Variants in SGCZ observed in about 807,000 individuals in gnomAD.
SGCZ encodes the protein zeta-sarcoglycan.
Under a neutral mutation model 41.3 loss-of-function variants are expected in SGCZ, and 40 were observed. The ratio of observed to expected loss-of-function variants is 0.97; its 90% CI spans 0.75 to 1.26. The LOEUF is 1.26. Ranked by LOEUF, SGCZ falls within the 50% of genes most tolerant of loss-of-function variation. The probability of loss-of-function intolerance (pLI) is 0.00; values close to 1 mark genes in which losing one functional copy is unlikely to be tolerated. For synonymous variants in SGCZ, 206 were observed against 137.5 expected (o/e 1.50, Z -3.49); for missense variants, 552 against 369.8 (o/e 1.49, Z -4.04).
intron 1 of SGCZ, among the ~76,000 whole-genome samples, chr8:14,922,888 C>A (rs1799633029): frequency 6.6e-6 from 1 of 152,128 alleles, no homozygotes; most frequent in African/African-American, 2.4e-5. Flanking sequence ...GAATTATATT[C>A]CACTGATTTA....
At chr8:15,135,878 G>A (rs184107671) in intron 1 of SGCZ, among the ~76,000 whole-genome samples, 14 of 152,318 alleles carry the variant, frequency 9.2e-5, no homozygotes, top group Admixed American at 2.6e-4. Flanking sequence ...TCCATAAGCA[G>A]TATGCCCAAA....
In SGCZ at chr8:14,816,152, A is replaced by C. The variant is rs548019274; in HGVS notation, c.40-261226T>G. 3.9e-5 allele frequency among the ~76,000 whole-genome samples: 6 copies of C among 152,334 alleles called. 1 individual carries two copies. In the South Asian group the frequency reaches 1.2e-3, roughly 32 times the overall value. On this transcript the variant is annotated intron_variant, in intron 1 of 7. Transcript: ENST00000382080. ...TTACATTTTGTATACTAAGTCTCGA[A>C]GATGCAGTGGGAATTAGACACTTTC... is the stretch of plus-strand genomic sequence containing the variant.
intron 2 of SGCZ, among the ~76,000 whole-genome samples, chr8:14,391,393 T>A (rs1424460304): frequency 6.6e-6 from 1 of 152,182 alleles, no homozygotes; most frequent in Non-Finnish European, 1.5e-5. Flanking sequence ...AAAGTCATTG[T>A]TAAGACTTTG....
rs188767103 is a variant in SGCZ, at chr8:14,691,307, T to C, written c.40-136381A>G. ...AATTTTAAATAAAATGTTGGAATAT[T>C]TATTTTAGATAGTTTAAAGAAGCTA... is the stretch of plus-strand genomic sequence containing the variant. On this transcript the variant is annotated intron_variant, in intron 1 of 7. Coordinates refer to ENST00000382080, the MANE Select transcript of SGCZ (RefSeq NM_139167.4). Among the ~76,000 whole-genome samples, 7 of 152,296 alleles carry C rather than the reference T, an allele frequency of 4.6e-5. No homozygotes were observed. The East Asian group carries it at 1.3e-3, about 29-fold the overall frequency.
Position 14,554,896 on chromosome 8 carries a change from G to A in SGCZ, c.70C>T (p.Gln24Ter). 1 of 1,612,244 alleles carries A rather than the reference G, an allele frequency of 6.2e-7. No homozygotes were observed. Among genetic ancestry groups the A allele is most frequent in the Non-Finnish European group, 8.5e-7 (1 of 1,179,168 alleles). ...TCAGTCCTTGGCAGGTTATTCTGTT[G>A]GGTTGCTAGTATGTATTGTTCTCGT... ...MTREQYILAT[Q>*]QNNLPRTENA... is the part of the protein sequence containing the mutation. The change falls in exon 2 of 8, where the codon CAA becomes TAA. Residue 24 changes from glutamine to a stop codon, truncating the protein, a stop_gained. Coordinates refer to ENST00000382080, the MANE Select transcript of SGCZ (RefSeq NM_139167.4). LOFTEE classifies it high-confidence loss of function.
At chr8:14,771,049 G>C (rs549936145) in intron 1 of SGCZ, among the ~76,000 whole-genome samples, 1 of 152,104 alleles carries the variant, frequency 6.6e-6, no homozygotes, top group Non-Finnish European at 1.5e-5. Flanking sequence ...AAAACAGAGA[G>C]AAAAGGTCAA....
At chr8:14,292,304 G>C (rs968091513) in intron 3 of SGCZ, among the ~76,000 whole-genome samples, 1 of 152,030 alleles carries the variant, frequency 6.6e-6, no homozygotes, top group East Asian at 1.9e-4. Flanking sequence ...AGACATGAGA[G>C]TAGCTACTCA....
intron 3 of SGCZ, among the ~76,000 whole-genome samples, chr8:14,269,060 C>A (rs78705064): frequency 0.083 from 12,680 of 151,876 alleles, 697 homozygotes; most frequent in Middle Eastern, 0.13. Context: ...AATTCTATAT[C>A]ATTAAACACA....
chr8:14,346,923 C>G (rs191222490), intron 2 of SGCZ, among the ~76,000 whole-genome samples: 1 of 151,738 alleles, frequency 6.6e-6, no homozygotes, highest in Non-Finnish European at 1.5e-5. Flanking sequence ...ATTATTATTT[C>G]GGACAGTGGC....
At chr8:14,282,176 T>C (rs1800468610) in intron 3 of SGCZ, among the ~76,000 whole-genome samples, 1 of 152,118 alleles carries the variant, frequency 6.6e-6, no homozygotes, top group African/African-American at 2.4e-5. Flanking sequence ...ACATTATTCA[T>C]AATATTGTTT....
chr8:15,199,884 ACTT>A (rs1235837483), intron 1 of SGCZ, among the ~76,000 whole-genome samples: 7 of 152,206 alleles, frequency 4.6e-5, no homozygotes, highest in South Asian at 2.1e-4. Flanking sequence ...TAAATGCATT[ACTT>A]CTTCTCTAAC....
intron 1 of SGCZ, among the ~76,000 whole-genome samples, chr8:14,988,743 A>C (rs1801909905): frequency 6.6e-6 from 1 of 152,152 alleles, no homozygotes; most frequent in African/African-American, 2.4e-5. Context: ...AAAATACTGC[A>C]TTCTGGGATA....
rs149069063 is a variant in SGCZ, at chr8:14,282,741, A to G, written c.336+41362T>C. Among the ~76,000 whole-genome samples, 809 of 151,740 alleles carry G rather than the reference A, an allele frequency of 5.3e-3. 8 individuals are homozygous for G. The highest frequency in any genetic ancestry group is 0.019 in the South Asian group (92 of 4,818). On this transcript the variant is annotated intron_variant, in intron 3 of 7. Transcript: ENST00000382080. ...AATATTTTAAATATTAGGTCTTCCA[A>G]TTCTTTCATCCCCTTTCCCCACCTA...
intron 1 of SGCZ, among the ~76,000 whole-genome samples, chr8:14,908,043 G>C (rs946294808): frequency 1.3e-5 from 2 of 152,090 alleles, no homozygotes; most frequent in African/African-American, 4.8e-5. Context: ...GTCAGAAACA[G>C]ATACATAGAA....
chr8:14,224,983 T>C (rs1806324068), intron 4 of SGCZ, among the ~76,000 whole-genome samples: 2 of 152,184 alleles, frequency 1.3e-5, no homozygotes, highest in African/African-American at 4.8e-5. Context: ...CCAGTAACCC[T>C]GTGAACTTCT....
At chr8:14,707,362 T>C (rs371444188) in intron 1 of SGCZ, among the ~76,000 whole-genome samples, 11 of 152,014 alleles carry the variant, frequency 7.2e-5, no homozygotes, top group African/African-American at 2.7e-4. Flanking sequence ...TAACAAACGA[T>C]GTTAGTAATG....
intron 1 of SGCZ, among the ~76,000 whole-genome samples, chr8:15,209,384 C>A (rs1305156251): frequency 7.6e-6 from 1 of 130,906 alleles, no homozygotes; most frequent in Admixed American, 8.3e-5. Context: ...AAGACCCATG[C>A]TCAATTTTCA....
intron 1 of SGCZ, among the ~76,000 whole-genome samples, chr8:14,748,011 T>A (rs1299728279): frequency 6.6e-6 from 1 of 151,724 alleles, no homozygotes; most frequent in Admixed American, 6.6e-5. Flanking sequence ...TCAAATATTA[T>A]AATCATGTTT....
In SGCZ at chr8:14,900,225, C is replaced by T. The variant is rs571874582; in HGVS notation, c.39+337360G>A. On this transcript the variant is annotated intron_variant, in intron 1 of 7. Coordinates refer to ENST00000382080, the MANE Select transcript of SGCZ (RefSeq NM_139167.4). ...TTAAAAAATTAAAATAAACAGCTTA[C>T]GGTAATAGTAAATACTGAGCATATC... is the stretch of plus-strand genomic sequence containing the variant. Among the ~76,000 whole-genome samples, 91 of 152,082 alleles carry T rather than the reference C, an allele frequency of 6.0e-4. 2 individuals carry two copies. Among genetic ancestry groups the T allele is most frequent in the South Asian group, 3.5e-3 (17 of 4,808 alleles).
Sources: gnomAD v4.1 joint callset for allele counts (sites outside exome capture counted in the v4.1 genomes callset) on GRCh38, gnomAD v4.1.1 for gene constraint, MANE v1.5 for transcripts, NCBI Gene and HGNC (gene_info 2026-07-23, HGNC 2026-07-21) for gene names.